The following KAZN variants were observed in gnomAD, a reference collection of about 807,000 sequenced individuals.
KAZN encodes the protein kazrin, periplakin interacting protein, also known as kazrin.
Under a neutral mutation model 87.4 loss-of-function variants are expected in KAZN, and 40 were observed. The observed-to-expected ratio is 0.46, with a 90% CI of 0.36 to 0.60. The LOEUF (loss-of-function observed/expected upper bound fraction) is 0.60, where lower values mean the gene tolerates loss of function less well. Ranked by LOEUF, KAZN falls within the 20% of genes least tolerant of loss-of-function variation. The pLI is 0.00. For missense variants in KAZN, 898 were observed against 1,073.9 expected (o/e 0.84, Z 2.29); for synonymous variants, 466 against 458.3 (o/e 1.02, Z -0.22).
intron 1 of KAZN, among the ~76,000 whole-genome samples, chr1:14,128,651 C>A (rs897407511): frequency 6.6e-6 from 1 of 152,062 alleles, no homozygotes; most frequent in Admixed American, 6.6e-5. Context: ...CTCTTGAAAG[C>A]CCCTATCTCC....
At chr1:14,425,680 G>A (rs1665682527) in intron 2 of KAZN, among the ~76,000 whole-genome samples, 1 of 152,190 alleles carries the variant, frequency 6.6e-6, no homozygotes, top group Admixed American at 6.5e-5. Context: ...ACTGCGGTCA[G>A]CTGGGGTCTC....
At chr1:14,166,111 T>C (rs1645820289) in intron 1 of KAZN, among the ~76,000 whole-genome samples, 1 of 152,076 alleles carries the variant, frequency 6.6e-6, no homozygotes, top group African/African-American at 2.4e-5. Flanking sequence ...GGTCAGAAAT[T>C]TGAGACCAGC....
At chr1:14,017,834 T>A (rs1228220345) in intron 1 of KAZN, among the ~76,000 whole-genome samples, 2 of 152,224 alleles carry the variant, frequency 1.3e-5, no homozygotes, top group East Asian at 3.8e-4. Flanking sequence ...AGAGCTGTCA[T>A]GCCTGGGTAC....
intron 1 of KAZN, among the ~76,000 whole-genome samples, chr1:13,966,438 G>A (rs1397040699): frequency 1.3e-5 from 2 of 152,172 alleles, no homozygotes; most frequent in African/African-American, 4.8e-5. Flanking sequence ...CTGGGGGTGG[G>A]GTCCTGCAGT....
chr1:14,273,007 G>A (rs535595409), intron 2 of KAZN, among the ~76,000 whole-genome samples: 24 of 152,194 alleles, frequency 1.6e-4, no homozygotes, highest in Non-Finnish European at 2.5e-4. Flanking sequence ...AAGTAGAGAA[G>A]ATGGAAGCTT....
chr1:14,258,393 T>A (rs1217245392), intron 2 of KAZN, among the ~76,000 whole-genome samples: 1 of 139,316 alleles, frequency 7.2e-6, no homozygotes, highest in Non-Finnish European at 1.6e-5. Flanking sequence ...ATTTTGTATT[T>A]TTTTTTTTTT....
At chr1:14,520,081 C>A (rs528654506) in intron 2 of KAZN, among the ~76,000 whole-genome samples, 2 of 152,216 alleles carry the variant, frequency 1.3e-5, no homozygotes, top group East Asian at 1.9e-4. Flanking sequence ...ACATATACAG[C>A]CTGTAGACAA....
chr1:14,117,550 C>G (rs1298651223), intron 1 of KAZN, among the ~76,000 whole-genome samples: 2 of 152,028 alleles, frequency 1.3e-5, no homozygotes, highest in East Asian at 3.9e-4. Context: ...ATACACCTCC[C>G]AAAGGCCCCA....
At chr1:14,582,454 T>C (rs989770172) in intron 2 of KAZN, among the ~76,000 whole-genome samples, 1 of 152,196 alleles carries the variant, frequency 6.6e-6, no homozygotes, top group African/African-American at 2.4e-5. Flanking sequence ...CTTGAAAACC[T>C]GGGAATTTTT....
intron 1 of KAZN, among the ~76,000 whole-genome samples, chr1:14,857,700 G>T (rs893376319): frequency 2.6e-5 from 4 of 151,986 alleles, no homozygotes; most frequent in Non-Finnish European, 4.4e-5. Context: ...TTCCCCTTAG[G>T]CTATTTTACT....
chr1:15,108,828 C>G (rs1026475546), intron 13 of KAZN, among the ~76,000 whole-genome samples: 7 of 152,200 alleles, frequency 4.6e-5, no homozygotes, highest in Non-Finnish European at 1.0e-4. Context: ...AGTTCCCCTT[C>G]TAACGTACCA....
chr1:14,985,441 G>A (rs1162237616), intron 2 of KAZN, among the ~76,000 whole-genome samples: 1 of 149,230 alleles, frequency 6.7e-6, no homozygotes. Context: ...GAGGCAGGAG[G>A]ATGGCTTAAG....
chr1:14,299,063 C>G (rs1194374833), intron 2 of KAZN, among the ~76,000 whole-genome samples: 1 of 152,156 alleles, frequency 6.6e-6, no homozygotes, highest in Non-Finnish European at 1.5e-5. Flanking sequence ...AGTATCTACC[C>G]ATTCAACAGC....
At chr1:14,334,240 C>A (rs1169206631) in intron 2 of KAZN, among the ~76,000 whole-genome samples, 1 of 152,042 alleles carries the variant, frequency 6.6e-6, no homozygotes, top group East Asian at 1.9e-4. Context: ...TGGTGTATGC[C>A]TGTAATCCCA....
intron 1 of KAZN, among the ~76,000 whole-genome samples, chr1:14,912,949 A>G (rs1657403340): frequency 6.6e-6 from 1 of 152,170 alleles, no homozygotes; most frequent in African/African-American, 2.4e-5. Context: ...AAACGAGCCA[A>G]TGCCAGTCAT....
chr1:14,215,442 G>C (rs1646939095), intron 2 of KAZN, among the ~76,000 whole-genome samples: 1 of 152,186 alleles, frequency 6.6e-6, no homozygotes, highest in Admixed American at 6.5e-5. Flanking sequence ...AGTCCCACCA[G>C]TGCTTACATA....
At chr1:14,723,536 A>G (rs1455518504) in intron 1 of KAZN, among the ~76,000 whole-genome samples, 1 of 152,190 alleles carries the variant, frequency 6.6e-6, no homozygotes, top group Non-Finnish European at 1.5e-5. Flanking sequence ...TATGGCCACG[A>G]TGGGGAATGA....
At chr1:14,690,157 C>T (rs1211452436) in intron 1 of KAZN, among the ~76,000 whole-genome samples, 5 of 152,210 alleles carry the variant, frequency 3.3e-5, no homozygotes, top group Non-Finnish European at 7.3e-5. Flanking sequence ...CCGGCAGACT[C>T]GCCACACTCC....
chr1:14,848,397 G>T (rs1427304392), intron 1 of KAZN, among the ~76,000 whole-genome samples: 3 of 152,148 alleles, frequency 2.0e-5, no homozygotes, highest in Non-Finnish European at 4.4e-5. Context: ...CTGTAAAATG[G>T]GTGCAGTGTG....
Sources: allele counts gnomAD v4.1 joint callset (sites outside exome capture counted in the v4.1 genomes callset), GRCh38; gene constraint gnomAD v4.1.1; transcripts MANE v1.5; gene names NCBI Gene and HGNC (gene_info 2026-07-23, HGNC 2026-07-21).